The following ZNF441 variants were observed in gnomAD, a reference collection of about 807,000 sequenced individuals.
The protein encoded by ZNF441 is zinc finger protein 441.
A neutral mutation model predicts 64.5 loss-of-function variants in ZNF441; 25 were observed. That is an observed-to-expected ratio of 0.39 (90% confidence interval 0.28 to 0.54). The LOEUF (loss-of-function observed/expected upper bound fraction) is 0.54. ZNF441 is among the 20% of genes least tolerant of loss of function. ZNF441 has a pLI of 0.70. For missense variants in ZNF441, 715 were observed against 843.3 expected, an observed-to-expected ratio of 0.85 and a Z score of 1.88; for synonymous variants, 262 against 268.0, an observed-to-expected ratio of 0.98 and a Z score of 0.22.
At chr19:11,769,587 A>G (rs796528417) in intron 1 of ZNF441, among the ~76,000 whole-genome samples, 3 of 152,314 alleles carry the variant, frequency 2.0e-5, no homozygotes, top group African/African-American at 7.2e-5. Context: ...TGCATGCCTT[A>G]CACAACAGAT....
Position 11,779,542 on chromosome 19 carries a change from G to A in ZNF441, c.195-477G>A, listed in dbSNP as rs112507623. Among the ~76,000 whole-genome samples, 1,105 of 151,890 alleles carry A rather than the reference G, an allele frequency of 7.3e-3. 6 individuals are homozygous for A. The highest frequency in any genetic ancestry group is 0.026 in the African/African-American group (1,062 of 41,436). On this transcript the variant is annotated intron_variant, in intron 3 of 3. Transcript: ENST00000357901. ...GGGCAGATCACGAGGTCAGGAGATC[G>A]AGACCATCCTGGCTAACATGGTGAA...
chr19:11,768,570 G>A (rs1975288691), intron 1 of ZNF441, among the ~76,000 whole-genome samples: 1 of 152,164 alleles, frequency 6.6e-6, no homozygotes, highest in Non-Finnish European at 1.5e-5. Context: ...GCTGCCTGGG[G>A]CCACCCCAAG....
At chr19:11,779,483 A>G (rs936675248) in intron 3 of ZNF441, among the ~76,000 whole-genome samples, 1 of 152,004 alleles carries the variant, frequency 6.6e-6, no homozygotes, top group Non-Finnish European at 1.5e-5. Flanking sequence ...AAAAAATACA[A>G]AAATCTAATC....
At chr19:11,776,225 G>A (rs1975354167) in intron 1 of ZNF441, among the ~76,000 whole-genome samples, 1 of 152,148 alleles carries the variant, frequency 6.6e-6, no homozygotes, top group Non-Finnish European at 1.5e-5. Flanking sequence ...GATCCACATT[G>A]GAAATTTGGT....
Position 11,782,912 on chromosome 19 carries a change from C to A in ZNF441, c.*1006C>A, listed in dbSNP as rs1975415391. On this transcript the variant is annotated 3_prime_UTR_variant, in exon 4 of 4. Transcript: ENST00000357901. ...TAGGCAAAGATTTTATGGCTAATAC[C>A]TCAAAGCACAGACAACAAAGATAAA... The A allele has an allele frequency of 6.6e-6, 1 of 152,052 alleles. No homozygotes were observed. The highest frequency in any genetic ancestry group is 1.5e-5 in the Non-Finnish European group (1 of 68,006). 9.4% of individuals were successfully genotyped at this position (152,052 alleles called of 1,614,324 possible).
In ZNF441 at chr19:11,767,200, AGT is replaced by A; in HGVS notation, c.3+10_3+11del. On this transcript the variant is annotated splice_donor_5th_base_variant and intron_variant, in intron 1 of 3. Coordinates refer to ENST00000357901, the MANE Select transcript of ZNF441 (RefSeq NM_152355.3). The surrounding 1 kb of genome is among the most constrained non-coding windows in gnomAD (Gnocchi z 5.1). ...GGACGCCGGAAGCCGGGAAATGGTG[AGT>A]GTGTGAGGTCTGGTGTCCCGACGCG... The A allele has an allele frequency of 6.4e-7, 1 of 1,560,002 alleles. No homozygotes were observed. Among genetic ancestry groups the A allele is most frequent in the Non-Finnish European group, 8.7e-7 (1 of 1,152,010 alleles).
At chr19:11,775,972 T>C (rs995255329) in intron 1 of ZNF441, among the ~76,000 whole-genome samples, 16 of 152,140 alleles carry the variant, frequency 1.1e-4, no homozygotes, top group African/African-American at 3.9e-4. Context: ...CCTTTTTTAT[T>C]CCCAGGACTT....
At chr19:11,779,914 A>G (rs923664738) in intron 3 of ZNF441, 105 bp from the exon 4 acceptor site, 3 of 1,089,010 alleles carry the variant, frequency 2.8e-6, no homozygotes, top group Non-Finnish European at 3.9e-6. Flanking sequence ...CTGTCTCAGA[A>G]AAAAAAAAGA....
In ZNF441 at chr19:11,769,964, G is replaced by A. The variant is rs144958820; in HGVS notation, c.3+2768G>A. Among the ~76,000 whole-genome samples the A allele has an allele frequency of 3.5e-3, 536 of 152,038 alleles. 21 individuals carry two copies. The East Asian group carries it at 0.085, about 24-fold the overall frequency. On this transcript the variant is annotated intron_variant, in intron 1 of 3. Transcript: ENST00000357901. Reference sequence around the variant, plus strand: ...GCTGGGATTACAGGTGTGAGCCACCGTGCCCAGCCTGGGCCTCTTTCTTGA... The same window carrying A: ...GCTGGGATTACAGGTGTGAGCCACCATGCCCAGCCTGGGCCTCTTTCTTGA...
At position 11,767,298 on chromosome 19, in the gene ZNF441, C is replaced by T; in HGVS notation, c.3+102C>T. The T allele has an allele frequency of 6.6e-7, 1 of 1,522,288 alleles. No homozygotes were observed. The highest frequency in any genetic ancestry group is 2.5e-5 in the East Asian group (1 of 40,418). 94.3% of individuals were successfully genotyped at this position (1,522,288 alleles called of 1,614,324 possible). On this transcript the variant is annotated intron_variant, in intron 1 of 3. Transcript: ENST00000357901. This position sits in a 1 kb window ranked among gnomAD's most constrained non-coding sequence, Gnocchi z 5.1. ...CACCAGGTCTTCCCCGCCGGCGACACCCTGGCGCAGCTCGGCCCTCGGTTC... is the reference window on the plus strand; with the variant it reads ...CACCAGGTCTTCCCCGCCGGCGACATCCTGGCGCAGCTCGGCCCTCGGTTC...
chr19:11,781,947 A>G lies in ZNF441; in HGVS notation c.*41A>G. 1 of 1,467,956 alleles carries G rather than the reference A, an allele frequency of 6.8e-7. No homozygotes were observed. The highest frequency in any genetic ancestry group is 1.4e-5 in the South Asian group (1 of 69,972). The allele number at this position is 1,467,956 out of a possible 1,614,324, so 90.9% of individuals were successfully genotyped here. A position where few individuals can be genotyped will look rare whatever the true frequency, so the allele number is the denominator to read the frequency against. ...GTGTTGAACATGTGAGAAAGCCTTA[A>G]GTACTTTCAGCTTCTTACAAATACA... On this transcript the variant is annotated 3_prime_UTR_variant, in exon 4 of 4. Transcript: ENST00000357901.
rs138255166 is a variant in ZNF441 at position 11,777,352 on chromosome 19, T to G, written c.4-259T>G. ...TGTAGAAATAGAAATGAGGAGTGAT[T>G]CAGGCAATAAGACTCACTTTCTTAA... On this transcript the variant is annotated intron_variant, in intron 1 of 3. Coordinates refer to ENST00000357901, the MANE Select transcript of ZNF441 (RefSeq NM_152355.3). Among the ~76,000 whole-genome samples the G allele has an allele frequency of 4.9e-4, 74 of 152,300 alleles. No homozygotes were observed. The East Asian group carries it at 0.011, about 22-fold the overall frequency.
At position 11,781,799 on chromosome 19, in the gene ZNF441, C is replaced by G; in HGVS notation, c.1975C>G (p.His659Asp). 6.2e-7 allele frequency: 1 copy of G among 1,614,046 alleles called. No homozygotes were observed. The highest frequency in any genetic ancestry group is 1.1e-5 in the South Asian group (1 of 91,078). The change falls in exon 4 of 4, where the codon CAT (histidine) becomes GAT (aspartate). Residue 659 changes from histidine to aspartate, a missense_variant. Physicochemically the swap from His to Asp is moderately conservative, Grantham distance 81. This residue lies in a region of ZNF441 where 316 missense variants were observed against 429.3 expected (regional missense o/e 0.74). Coordinates refer to ENST00000357901, the MANE Select transcript of ZNF441 (RefSeq NM_152355.3). ...ACCATTCCATTGTCCCAGTGCCTTT[C>G]ATAAACATGAAAGGACCCACAGTAT... ...GKPFHCPSAF[H>D]KHERTHSMEK...
Position 11,781,738 on chromosome 19 carries a change from T to A in ZNF441, c.1914T>A (p.Thr638=), listed in dbSNP as rs80152996. The change falls in exon 4 of 4, where the codon ACT becomes ACA. Residue 638 remains threonine, a synonymous_variant. Transcript: ENST00000357901. ...TACGAATACACGAAAGAGTTCATAC[T>A]GGAGAGAAGCCGTATAAATGTAAGG... ...SYLRIHERVH[T]GEKPYKCKEC... The A allele has an allele frequency of 3.2e-3, 5,202 of 1,614,108 alleles. 183 individuals carry two copies. The East Asian group carries it at 0.082, about 25-fold the overall frequency.
intron 2 of ZNF441, 80 bp from the exon 3 acceptor site, chr19:11,778,228 TTTGGTGTGTGAATCATGCATGA>T: frequency 1.2e-6 from 1 of 800,038 alleles, no homozygotes; most frequent in South Asian, 1.7e-5. Flanking sequence ...TCAGCTGTAG[TTTGGTGTGTGAATCATGCATGA>T]TTGTAGTGTA....
At chr19:11,777,849 A>G in intron 2 of ZNF441, 112 bp downstream of exon 2, 1 of 1,255,260 alleles carries the variant, frequency 8.0e-7, no homozygotes, top group East Asian at 2.6e-5. Flanking sequence ...CCCTTGAACC[A>G]GCCACCCAAG....
intron 1 of ZNF441, among the ~76,000 whole-genome samples, chr19:11,770,009 C>T (rs375952643): frequency 1.3e-5 from 2 of 152,020 alleles, no homozygotes; most frequent in East Asian, 3.9e-4. Flanking sequence ...GGCATTCTTC[C>T]TGTTATGCCC....
At chr19:11,774,870 T>C (rs1186734815) in intron 1 of ZNF441, among the ~76,000 whole-genome samples, 1 of 152,250 alleles carries the variant, frequency 6.6e-6, no homozygotes, top group East Asian at 1.9e-4. Flanking sequence ...GACATTTGAA[T>C]GTTATAATCT....
intron 1 of ZNF441, 111 bp from the exon 2 acceptor site, chr19:11,777,500 C>A (rs1183388282): frequency 1.6e-6 from 2 of 1,280,740 alleles, no homozygotes; most frequent in Non-Finnish European, 2.1e-6. Context: ...TTACCATGTT[C>A]TTGAATAAAT....
Sources: allele counts gnomAD v4.1 joint callset (sites outside exome capture counted in the v4.1 genomes callset), GRCh38; gene constraint gnomAD v4.1.1; regional missense constraint gnomAD v4.1.1; non-coding constraint Gnocchi (gnomAD v3.1); transcripts MANE v1.5; gene names NCBI Gene and HGNC (gene_info 2026-07-23, HGNC 2026-07-21).